MAOB: variants seen among roughly 807,000 people sequenced by gnomAD.
The protein encoded by MAOB is monoamine oxidase B.
A neutral mutation model predicts 41.9 loss-of-function variants in MAOB; 15 were observed. The observed-to-expected ratio is 0.36, with a 90% CI of 0.24 to 0.55. MAOB has a LOEUF of 0.55. MAOB is among the 20% of genes least tolerant of loss of function. The pLI, the probability that MAOB is intolerant of heterozygous loss-of-function variation, is 0.86. For missense variants in MAOB, 345 were observed against 398.7 expected (o/e 0.87, Z 1.15); for synonymous variants, 167 against 144.2 (o/e 1.16, Z -1.13).
intron 3 of MAOB, among the ~76,000 whole-genome samples, chrX:43,818,090 G>A (rs1361061774): frequency 8.9e-6 from 1 of 112,164 alleles, no homozygotes; most frequent in Non-Finnish European, 1.9e-5. Context: ...AGAGCACATA[G>A]TAATAATGCT....
intron 7 of MAOB, among the ~76,000 whole-genome samples, chrX:43,794,950 C>T (rs923693450): frequency 1.8e-5 from 2 of 109,501 alleles, no homozygotes; most frequent in Non-Finnish European, 3.8e-5. Context: ...CACTCAACAA[C>T]GATCACCACA....
At chrX:43,800,822 C>T (rs2034583796) in intron 5 of MAOB, among the ~76,000 whole-genome samples, 2 of 111,542 alleles carry the variant, frequency 1.8e-5, no homozygotes, top group Admixed American at 1.9e-4. Context: ...CAATGGATGT[C>T]CATTGCTTTT....
chrX:43,778,701 C>T lies in MAOB; in HGVS notation c.1118G>A (p.Gly373Asp). 1 of 1,206,826 alleles carries T rather than the reference C, an allele frequency of 8.3e-7. No individual in the cohort carries two copies. The highest frequency in any genetic ancestry group is 1.8e-5 in the South Asian group (1 of 56,448). Residue 373 changes from glycine to aspartate, a missense_variant, in exon 11 of 15, where the codon GGT becomes GAT. Transcript: ENST00000378069. The stretch of plus-strand genomic sequence containing the variant: ...CCTTACCTCCAGAGCTTCTAGGGAA[C>T]CCAGAACCTTGGCATAGAGTTCACA... ...KLCELYAKVL[G>D]SLEALEPVHY...
At chrX:43,784,870 G>A (rs949789757) in intron 8 of MAOB, among the ~76,000 whole-genome samples, 1 of 112,282 alleles carries the variant, frequency 8.9e-6, no homozygotes, top group East Asian at 2.8e-4. Flanking sequence ...GTTTCCGGTC[G>A]GGTGTGGTGG....
intron 3 of MAOB, among the ~76,000 whole-genome samples, chrX:43,820,963 C>G (rs758132399): frequency 2.0e-3 from 227 of 112,533 alleles, no homozygotes; most frequent in Non-Finnish European, 3.6e-3. Flanking sequence ...AGTTACATCT[C>G]TGACACTTTC....
At chrX:43,832,927 T>C (rs2035034229) in intron 3 of MAOB, among the ~76,000 whole-genome samples, 1 of 111,676 alleles carries the variant, frequency 9.0e-6, no homozygotes, top group African/African-American at 3.3e-5. Flanking sequence ...TACTCAACTG[T>C]GGAAAATCTT....
chrX:43,867,434 A>G (rs1325808108), intron 1 of MAOB, among the ~76,000 whole-genome samples: 1 of 112,409 alleles, frequency 8.9e-6, no homozygotes, highest in Admixed American at 9.4e-5. Flanking sequence ...ATTTTAGAAA[A>G]CAGTATTAGT....
intron 1 of MAOB, among the ~76,000 whole-genome samples, chrX:43,880,071 G>T (rs1412064589): frequency 8.9e-6 from 1 of 111,954 alleles, no homozygotes; most frequent in Non-Finnish European, 1.9e-5. Context: ...CACTATTAAA[G>T]CACCTATCAT....
At chrX:43,857,645 A>C (rs1296852731) in intron 1 of MAOB, among the ~76,000 whole-genome samples, 1 of 110,857 alleles carries the variant, frequency 9.0e-6, no homozygotes, top group East Asian at 2.8e-4. Flanking sequence ...TTTCCTCCCC[A>C]ATTTCTTGCT....
chrX:43,804,930 CT>C (rs972563363), intron 3 of MAOB, among the ~76,000 whole-genome samples: 5 of 111,840 alleles, frequency 4.5e-5, no homozygotes, highest in African/African-American at 1.6e-4. Context: ...AACTGTCACC[CT>C]TCTTAACACT....
rs1369228245 is a variant in MAOB at position 43,767,200 on chromosome X, A to T, written c.*266T>A. 6.4e-6 allele frequency: 2 copies of T among 314,028 alleles called. No individual in the cohort carries two copies. Among genetic ancestry groups the T allele is most frequent in the Admixed American group, 5.4e-5 (1 of 18,646 alleles). 25.9% of individuals were successfully genotyped at this position (314,028 alleles called of 1,213,427 possible). On this transcript the variant is annotated 3_prime_UTR_variant, in exon 15 of 15. Transcript: ENST00000378069. ...TTGTGGGGCAGCAAGAACCTTAAAC[A>T]AGCCAATTTAACTATTCTAAAGATT...
intron 8 of MAOB, among the ~76,000 whole-genome samples, chrX:43,788,442 C>T (rs1335218857): frequency 8.9e-6 from 1 of 112,005 alleles, no homozygotes; most frequent in African/African-American, 3.2e-5. Context: ...TTTCACAGGT[C>T]TACCCAAATC....
intron 11 of MAOB, 55 bp downstream of exon 11, chrX:43,778,627 T>C (rs1483829834): frequency 2.0e-6 from 2 of 999,590 alleles, no homozygotes; most frequent in Non-Finnish European, 1.4e-6. Context: ...TGCTAGTCAC[T>C]TGGGGACAAA....
intron 1 of MAOB, among the ~76,000 whole-genome samples, chrX:43,853,039 G>A (rs930865323): frequency 4.5e-5 from 5 of 110,346 alleles, no homozygotes; most frequent in Admixed American, 3.8e-4. Context: ...GGTGGCTCAC[G>A]CCTGTAACCC....
At chrX:43,832,399 A>T (rs1235589526) in intron 3 of MAOB, among the ~76,000 whole-genome samples, 1 of 111,693 alleles carries the variant, frequency 9.0e-6, no homozygotes, top group African/African-American at 3.3e-5. Flanking sequence ...CCTGAACAAC[A>T]CAGGTTTGAA....
Position 43,769,400 on chromosome X carries a change from C to T in MAOB, c.1254G>A (p.Val418=), listed in dbSNP as rs1466639531. Residue 418 remains valine (V), a synonymous_variant, in exon 13 of 15, where the codon GTG becomes GTA. Coordinates refer to ENST00000378069, the MANE Select transcript of MAOB (RefSeq NM_000898.5). ...CGGTGCCTGCAAAGTAAATCCTGTCCACTGGCTGGCGTAGAACCCTTGGAA... is the reference window on the plus strand; with the variant it reads ...CGGTGCCTGCAAAGTAAATCCTGTCTACTGGCTGGCGTAGAACCCTTGGAA... ...TQYGRVLRQP[V]DRIYFAGTET... is the part of the protein sequence containing the mutation. 3 of 1,209,326 alleles carry T rather than the reference C, an allele frequency of 2.5e-6. No homozygotes were observed. The East Asian group carries it at 8.9e-5, about 36-fold the overall frequency.
intron 3 of MAOB, among the ~76,000 whole-genome samples, chrX:43,810,639 C>G (rs187946118): frequency 4.5e-5 from 5 of 111,562 alleles, no homozygotes; most frequent in Non-Finnish European, 9.4e-5. Flanking sequence ...AGGCTCTGGA[C>G]TAGAATCTCA....
chrX:43,777,442 G>A (rs756796356), intron 11 of MAOB, among the ~76,000 whole-genome samples: 1 of 111,145 alleles, frequency 9.0e-6, no homozygotes, highest in Admixed American at 9.6e-5. Context: ...AATTGTTCTA[G>A]TTTATTTGCT....
chrX:43,805,431 C>T (rs2034650800), intron 3 of MAOB, among the ~76,000 whole-genome samples: 1 of 111,632 alleles, frequency 9.0e-6, no homozygotes, highest in Non-Finnish European at 1.9e-5. Flanking sequence ...AGAAAGTTCC[C>T]TCTTTCCCCT....
Sources: gnomAD v4.1 joint callset for allele counts (sites outside exome capture counted in the v4.1 genomes callset) on GRCh38, gnomAD v4.1.1 for gene constraint, MANE v1.5 for transcripts, NCBI Gene and HGNC (gene_info 2026-07-23, HGNC 2026-07-21) for gene names.